The following MAGI2 variants were observed in gnomAD, a reference collection of about 807,000 sequenced individuals.
The protein encoded by MAGI2 is membrane-associated guanylate kinase, WW and PDZ domain-containing protein 2.
Under a neutral mutation model 133.3 loss-of-function variants are expected in MAGI2, and 35 were observed. The observed-to-expected ratio is 0.26, with a 90% CI of 0.20 to 0.35. The LOEUF (loss-of-function observed/expected upper bound fraction) is 0.35, where lower values mean the gene tolerates loss of function less well. Among genes scored for constraint, MAGI2 ranks in the 10% least tolerant of loss-of-function variants. The pLI is 1.00. For synonymous variants in MAGI2, 729 were observed against 710.6 expected (o/e 1.03, Z -0.41); for missense variants, 1,636 against 1,863.4 (o/e 0.88, Z 2.25).
At chr7:79,183,157 C>T (rs1006840192) in intron 1 of MAGI2, among the ~76,000 whole-genome samples, 5 of 151,742 alleles carry the variant, frequency 3.3e-5, no homozygotes, top group African/African-American at 4.9e-5. Context: ...ACTGTAGATA[C>T]AACCATATAT....
At chr7:78,880,922 T>G (rs1294566235) in intron 2 of MAGI2, among the ~76,000 whole-genome samples, 1 of 152,092 alleles carries the variant, frequency 6.6e-6, no homozygotes, top group Admixed American at 6.6e-5. Flanking sequence ...CAGAGGTCAC[T>G]ATTAATCGGA....
chr7:79,442,451 A>AGTGTGTGTGTGTGTGTGT (rs3028947), intron 1 of MAGI2, among the ~76,000 whole-genome samples: 11 of 145,222 alleles, frequency 7.6e-5, no homozygotes, highest in South Asian at 2.3e-4. Flanking sequence ...GTGTTTGAAG[A>AGTGTGTGTGTGTGTGTGT]GTGTGTGTGT....
chr7:78,730,412 CA>C (rs34294077), intron 2 of MAGI2, among the ~76,000 whole-genome samples: 47,127 of 137,576 alleles, frequency 0.34, 7,591 homozygotes, highest in South Asian at 0.46. Flanking sequence ...AATACTAAGC[CA>C]AAAAAAAAAA....
chr7:79,251,590 GC>G (rs1050276564), intron 1 of MAGI2, among the ~76,000 whole-genome samples: 3 of 152,138 alleles, frequency 2.0e-5, no homozygotes, highest in Non-Finnish European at 4.4e-5. Flanking sequence ...AATAACAAAT[GC>G]TGGTGAGGAT....
chr7:78,416,679 G>A (rs1165940232), intron 6 of MAGI2, among the ~76,000 whole-genome samples: 3 of 152,148 alleles, frequency 2.0e-5, no homozygotes, highest in Admixed American at 6.5e-5. Context: ...CCATTAAGAG[G>A]TTGGGGCCTT....
intron 1 of MAGI2, among the ~76,000 whole-genome samples, chr7:79,318,899 G>A (rs1329787396): frequency 6.6e-6 from 1 of 152,142 alleles, no homozygotes; most frequent in African/African-American, 2.4e-5. Flanking sequence ...TACAGTAAGA[G>A]AGCTGGGTCA....
chr7:78,312,436 A>C (rs1301363641), intron 9 of MAGI2, among the ~76,000 whole-genome samples: 1 of 152,204 alleles, frequency 6.6e-6, no homozygotes, highest in Non-Finnish European at 1.5e-5. Flanking sequence ...AGAAATAATC[A>C]ACAGGCAATA....
At chr7:79,086,741 G>A (rs1816533934) in intron 1 of MAGI2, among the ~76,000 whole-genome samples, 1 of 151,658 alleles carries the variant, frequency 6.6e-6, no homozygotes, top group South Asian at 2.1e-4. Flanking sequence ...AAAACACTGA[G>A]AATAAAAATA....
chr7:79,208,721 G>T (rs963224259), intron 1 of MAGI2, among the ~76,000 whole-genome samples: 4 of 151,890 alleles, frequency 2.6e-5, no homozygotes, highest in Admixed American at 2.0e-4. Flanking sequence ...TGAAGAGATC[G>T]CTGCACTTCC....
chr7:78,967,008 G>A (rs1490041783), intron 2 of MAGI2, among the ~76,000 whole-genome samples: 2 of 151,874 alleles, frequency 1.3e-5, no homozygotes, highest in African/African-American at 4.8e-5. Context: ...GCAGTGGTAC[G>A]ATCATTGCAG....
At chr7:78,747,395 G>T (rs1032962502) in intron 2 of MAGI2, among the ~76,000 whole-genome samples, 34 of 152,012 alleles carry the variant, frequency 2.2e-4, no homozygotes, top group African/African-American at 8.0e-4. Context: ...TTTGTTCATA[G>T]ACACAATAAA....
chr7:79,379,289 A>G (rs1843620321), intron 1 of MAGI2, among the ~76,000 whole-genome samples: 2 of 151,828 alleles, frequency 1.3e-5, no homozygotes, highest in African/African-American at 4.8e-5. Flanking sequence ...AAGGATAAGA[A>G]TTCATCATTT....
chr7:78,504,715 C>T (rs1349537356), intron 4 of MAGI2, among the ~76,000 whole-genome samples: 1 of 151,932 alleles, frequency 6.6e-6, no homozygotes, highest in Non-Finnish European at 1.5e-5. Context: ...TATAATGATG[C>T]CTATATAATA....
intron 6 of MAGI2, among the ~76,000 whole-genome samples, chr7:78,372,086 G>A (rs1293075110): frequency 6.6e-6 from 1 of 152,078 alleles, no homozygotes; most frequent in African/African-American, 2.4e-5. Context: ...ATATATGCAT[G>A]TGTACCTGTG....
In MAGI2 at chr7:79,421,527, A is replaced by C. The variant is rs143432047; in HGVS notation, c.301+31493T>G. On this transcript the variant is annotated intron_variant, in intron 1 of 21. Coordinates refer to ENST00000354212, the MANE Select transcript of MAGI2 (RefSeq NM_012301.4). ...ATAAAATAATGAAGGAATTAAACTTACAAAAGGTACTGCTTAATGTATCTG... is the reference window on the plus strand; with the variant it reads ...ATAAAATAATGAAGGAATTAAACTTCCAAAAGGTACTGCTTAATGTATCTG... Among the ~76,000 whole-genome samples, 67 of 152,062 alleles carry C rather than the reference A, an allele frequency of 4.4e-4. No homozygotes were observed. In the East Asian group the frequency reaches 0.012, roughly 28 times the overall value.
At chr7:78,929,823 C>T (rs571863874) in intron 2 of MAGI2, among the ~76,000 whole-genome samples, 34 of 152,132 alleles carry the variant, frequency 2.2e-4, no homozygotes, top group Non-Finnish European at 7.4e-5. Context: ...AGGGCATAGA[C>T]ATCTTGGAGG....
intron 2 of MAGI2, among the ~76,000 whole-genome samples, chr7:78,721,867 G>A (rs1820300640): frequency 6.6e-6 from 1 of 151,814 alleles, no homozygotes; most frequent in South Asian, 2.1e-4. Context: ...GTAAGGTAGA[G>A]TGAAGTAACA....
At chr7:78,473,965 A>G (rs1791487837) in intron 6 of MAGI2, among the ~76,000 whole-genome samples, 1 of 151,986 alleles carries the variant, frequency 6.6e-6, no homozygotes, top group Non-Finnish European at 1.5e-5. Context: ...AACCTCCCCT[A>G]ACTCAATGCT....
intron 2 of MAGI2, among the ~76,000 whole-genome samples, chr7:78,658,515 G>C (rs1305590454): frequency 6.6e-6 from 1 of 152,068 alleles, no homozygotes; most frequent in Non-Finnish European, 1.5e-5. Context: ...GAAAGACTCT[G>C]TTAAGAGCAC....
Sources: gnomAD v4.1 joint callset for allele counts (sites outside exome capture counted in the v4.1 genomes callset) on GRCh38, gnomAD v4.1.1 for gene constraint, MANE v1.5 for transcripts, NCBI Gene and HGNC (gene_info 2026-07-23, HGNC 2026-07-21) for gene names.